The following MEF2D variants were observed in gnomAD, a reference collection of about 807,000 sequenced individuals.
MEF2D encodes myocyte-specific enhancer factor 2D.
MEF2D carries 10 observed loss-of-function variants against 59.3 expected under a neutral mutation model. The ratio of observed to expected loss-of-function variants is 0.17; its 90% CI spans 0.10 to 0.29. The LOEUF (loss-of-function observed/expected upper bound fraction) is 0.29. Among genes scored for constraint, MEF2D ranks in the 10% least tolerant of loss-of-function variants. MEF2D has a pLI of 1.00. For synonymous variants in MEF2D, 305 were observed against 295.0 expected, an observed-to-expected ratio of 1.03 and a Z score of -0.35; for missense variants, 508 against 699.4, an observed-to-expected ratio of 0.73 and a Z score of 3.09.
At position 156,479,316 on chromosome 1, in the gene MEF2D, G is replaced by C. The variant is rs1010476148; in HGVS notation, c.638C>G (p.Ala213Gly). 6.2e-7 allele frequency: 1 copy of C among 1,612,512 alleles called. No individual in the cohort carries two copies. The highest frequency in any genetic ancestry group is 8.5e-7 in the Non-Finnish European group (1 of 1,179,482). The change falls in exon 6 of 12, where the codon GCT becomes GGT. Residue 213 changes from alanine to glycine, a missense_variant. Ala to Gly is a moderately conservative substitution (Grantham distance 60). Coordinates refer to ENST00000348159, the MANE Select transcript of MEF2D (RefSeq NM_005920.4). Reference sequence around the variant, plus strand: ...AACAGGGCTGGGGCAGGCTCCGTTAGCACTGTTCAGGTCACCCCCCAGCAT... The same window carrying C: ...AACAGGGCTGGGGCAGGCTCCGTTACCACTGTTCAGGTCACCCCCCAGCAT... ...GAMLGGDLNS[A>G]NGACPSPVGN...
chr1:156,474,237 T>C (rs1671421450), intron 9 of MEF2D, among the ~76,000 whole-genome samples: 1 of 152,108 alleles, frequency 6.6e-6, no homozygotes, highest in South Asian at 2.1e-4. Flanking sequence ...TCACTTGAAC[T>C]CAGGAGTTTG....
intron 9 of MEF2D, among the ~76,000 whole-genome samples, chr1:156,469,901 G>C (rs1671124067): frequency 6.6e-6 from 1 of 151,942 alleles, no homozygotes; most frequent in Non-Finnish European, 1.5e-5. Context: ...ATCATGTGTA[G>C]GTATCACTTT....
rs1290576008 is a variant in MEF2D, at chr1:156,475,220, A to C, written c.894T>G (p.Leu298=). 1.9e-6 allele frequency: 3 copies of C among 1,612,468 alleles called. No individual in the cohort carries two copies. Among genetic ancestry groups the C allele is most frequent in the African/African-American group, 1.3e-5 (1 of 74,904 alleles). The change falls in exon 9 of 12, where the codon CTT becomes CTG. Residue 298 remains leucine (L), a synonymous_variant. Transcript: ENST00000348159. The part of the protein sequence containing the change: ...DHLDLNNAQR[L]GVSQSTHSLT... ...GCGAATGAGTAGACTGGGAGACCCC[A>C]AGGCGCTGGGCATTGTTCTGTAGGA...
chr1:156,477,191 C>G lies in MEF2D; in HGVS notation c.676G>C (p.Val226Leu), dbSNP rs749838249. 1.2e-6 allele frequency: 2 copies of G among 1,602,088 alleles called. No individual in the cohort carries two copies. Among genetic ancestry groups the G allele is most frequent in the Non-Finnish European group, 1.7e-6 (2 of 1,173,138 alleles). ...AGGCCAGGGGAAGCCCGAGCACTGA[C>G]GTAGCCATTCCCTGGAGAAGTGACA... ...ACPSPVGNGY[V>L]SARASPGLLP... The change falls in exon 7 of 12, where the codon GTC (valine) becomes CTC (leucine). Residue 226 changes from valine to leucine, a missense_variant. Physicochemically the swap from Val to Leu is conservative, Grantham distance 32. Transcript: ENST00000348159.
intron 1 of MEF2D, among the ~76,000 whole-genome samples, chr1:156,496,938 G>A (rs1395298269): frequency 6.6e-6 from 1 of 152,212 alleles, no homozygotes; most frequent in Admixed American, 6.5e-5. Flanking sequence ...TAAATATTCC[G>A]AGATCCAAAT....
intron 1 of MEF2D, among the ~76,000 whole-genome samples, chr1:156,487,573 C>T (rs1672455482): frequency 6.6e-6 from 1 of 152,238 alleles, no homozygotes; most frequent in Admixed American, 6.5e-5. Context: ...GAACTCAACC[C>T]TGATTTTGGA....
intron 1 of MEF2D, among the ~76,000 whole-genome samples, chr1:156,493,699 GCCAGCAAGGA>G: frequency 6.6e-6 from 1 of 152,096 alleles, no homozygotes; most frequent in Admixed American, 6.5e-5. Flanking sequence ...TCAGATTTTT[GCCAGCAAGGA>G]CCTCTGCCTA....
intron 6 of MEF2D, among the ~76,000 whole-genome samples, chr1:156,478,820 A>G (rs1253811439): frequency 6.6e-6 from 1 of 152,186 alleles, no homozygotes; most frequent in Admixed American, 6.5e-5. Flanking sequence ...GTGAGCCACC[A>G]TGCCCGGCCT....
chr1:156,488,364 G>A (rs1365867395), intron 1 of MEF2D, among the ~76,000 whole-genome samples: 2 of 152,186 alleles, frequency 1.3e-5, no homozygotes, highest in Admixed American at 6.5e-5. Context: ...GATGCCCAGA[G>A]AGGGAAACAG....
At chr1:156,497,263 T>C (rs1050038436) in intron 1 of MEF2D, among the ~76,000 whole-genome samples, 1 of 152,240 alleles carries the variant, frequency 6.6e-6, no homozygotes, top group Non-Finnish European at 1.5e-5. Flanking sequence ...TTGGCCGGAC[T>C]CCGGCCCCAT....
At chr1:156,469,263 GT>G (rs1320409933) in intron 9 of MEF2D, among the ~76,000 whole-genome samples, 1 of 152,076 alleles carries the variant, frequency 6.6e-6, no homozygotes, top group Non-Finnish European at 1.5e-5. Flanking sequence ...TTTTTGTTTT[GT>G]TTTGTTTTTT....
intron 7 of MEF2D, 179 bp downstream of exon 7, chr1:156,476,833 C>A: frequency 1.4e-6 from 1 of 734,810 alleles, no homozygotes; most frequent in Non-Finnish European, 2.2e-6. Context: ...TCTTGTGCTG[C>A]AACCTCTTAA....
At chr1:156,477,318 C>T in intron 6 of MEF2D, 116 bp from the exon 7 acceptor site, 3 of 867,126 alleles carry the variant, frequency 3.5e-6, no homozygotes, top group Non-Finnish European at 5.3e-6. Context: ...CATGCTTAGG[C>T]TTTGAGTGGG....
chr1:156,475,027 G>C, intron 9 of MEF2D, 81 bp downstream of exon 9: 2 of 1,602,798 alleles, frequency 1.2e-6, no homozygotes, highest in East Asian at 2.2e-5. Flanking sequence ...GGCCTGTCCA[G>C]GGGATAACTA....
intron 2 of MEF2D, 135 bp from the exon 3 acceptor site, chr1:156,482,775 A>C (rs956931891): frequency 1.0e-5 from 8 of 803,432 alleles, no homozygotes; most frequent in Non-Finnish European, 1.6e-5. Flanking sequence ...CCCTGGTCTC[A>C]GGAGTCCCTG....
chr1:156,468,860 T>TGGCTGCTGTGGCTGC lies in MEF2D; in HGVS notation c.1152_1166dup (p.Pro391_Gln395dup), dbSNP rs759353629. 6 of 1,608,222 alleles carry TGGCTGCTGTGGCTGC rather than the reference T, an allele frequency of 3.7e-6. No individual in the cohort carries two copies. The South Asian group carries it at 5.5e-5, about 15-fold the overall frequency. On this transcript the variant is annotated inframe_insertion, in exon 10 of 12. Transcript: ENST00000348159. The surrounding 1 kb of genome is among the most constrained non-coding windows in gnomAD (Gnocchi z 4.3). ...GCGGCTGCTGAGGCTGCTGTGGCTG[T>TGGCTGCTGTGGCTGC]GGCTGCTGTGGCTGCGGTGGCTGCT...
At chr1:156,494,476 T>A (rs1673011487) in intron 1 of MEF2D, among the ~76,000 whole-genome samples, 1 of 152,080 alleles carries the variant, frequency 6.6e-6, no homozygotes, top group Non-Finnish European at 1.5e-5. Flanking sequence ...AGGAGACGGC[T>A]GGATGGGGAG....
chr1:156,485,901 G>A (rs1394247412), intron 1 of MEF2D, among the ~76,000 whole-genome samples: 6 of 150,776 alleles, frequency 4.0e-5, no homozygotes, highest in African/African-American at 9.8e-5. Context: ...CCAGGCTGGA[G>A]TGCAGTGGCG....
rs952807842 is a variant in MEF2D, at chr1:156,474,985, G to A, written c.1006+123C>T. On this transcript the variant is annotated intron_variant, in intron 9 of 11. Coordinates refer to ENST00000348159, the MANE Select transcript of MEF2D (RefSeq NM_005920.4). Reference sequence around the variant, plus strand: ...ACCTGTTAACCATAAGTAGGTGGGGGTTCCCCCAAATCAGTAGCCCTCCTC... The same window carrying A: ...ACCTGTTAACCATAAGTAGGTGGGGATTCCCCCAAATCAGTAGCCCTCCTC... 1.4e-5 allele frequency: 19 copies of A among 1,392,778 alleles called. No homozygotes were observed. The Admixed American group carries it at 1.8e-4, about 13-fold the overall frequency. 86.3% of individuals were successfully genotyped at this position (1,392,778 alleles called of 1,614,324 possible). A position where few individuals can be genotyped will look rare whatever the true frequency, so the allele number is the denominator to read the frequency against.
Sources: allele counts gnomAD v4.1 joint callset (sites outside exome capture counted in the v4.1 genomes callset), GRCh38; gene constraint gnomAD v4.1.1; non-coding constraint Gnocchi (gnomAD v3.1); transcripts MANE v1.5; gene names NCBI Gene and HGNC (gene_info 2026-07-23, HGNC 2026-07-21).